The following MCUB variants were observed in gnomAD, a reference collection of about 807,000 sequenced individuals.
The protein encoded by MCUB is calcium uniporter regulatory subunit MCUb, mitochondrial.
MCUB carries 46 observed loss-of-function variants against 41.4 expected under a neutral mutation model. That is an observed-to-expected ratio of 1.11 (90% CI 0.88 to 1.42). The LOEUF is 1.42. Ranked by LOEUF, MCUB falls within the 40% of genes most tolerant of loss-of-function variation. MCUB has a pLI of 0.00. For synonymous variants in MCUB, 148 were observed against 148.2 expected (o/e 1.00, Z 0.01); for missense variants, 403 against 404.9 (o/e 1.00, Z 0.04).
intron 1 of MCUB, among the ~76,000 whole-genome samples, chr4:109,595,004 G>T (rs1242451903): frequency 6.6e-6 from 1 of 151,638 alleles, no homozygotes; most frequent in Non-Finnish European, 1.5e-5. Context: ...TCTTTTTCAG[G>T]TTTCATTTCT....
intron 1 of MCUB, among the ~76,000 whole-genome samples, chr4:109,586,902 T>C (rs926082883): frequency 6.6e-6 from 1 of 152,214 alleles, no homozygotes; most frequent in Non-Finnish European, 1.5e-5. Context: ...CCAGTTAGGC[T>C]ACACGGAGGT....
At chr4:109,671,725 T>C (rs1729463302) in intron 4 of MCUB, among the ~76,000 whole-genome samples, 1 of 152,232 alleles carries the variant, frequency 6.6e-6, no homozygotes, top group South Asian at 2.1e-4. Flanking sequence ...CTGGTTCTGA[T>C]GCTTGTTTTG....
chr4:109,579,477 T>A (rs1727119158), intron 1 of MCUB, among the ~76,000 whole-genome samples: 1 of 152,092 alleles, frequency 6.6e-6, no homozygotes, highest in Admixed American at 6.5e-5. Flanking sequence ...CTCAATCTCT[T>A]GACCTTGTGA....
chr4:109,566,742 A>G (rs910509086), intron 1 of MCUB, among the ~76,000 whole-genome samples: 3 of 152,220 alleles, frequency 2.0e-5, no homozygotes, highest in Non-Finnish European at 4.4e-5. Flanking sequence ...AATAGACTGA[A>G]TGACTTCAGC....
At chr4:109,585,246 T>C (rs1178757965) in intron 1 of MCUB, among the ~76,000 whole-genome samples, 1 of 152,202 alleles carries the variant, frequency 6.6e-6, no homozygotes, top group Non-Finnish European at 1.5e-5. Context: ...TAAAGTCTGT[T>C]TTATCAGAGA....
chr4:109,598,770 C>T (rs1327948820), intron 1 of MCUB, among the ~76,000 whole-genome samples: 3 of 152,090 alleles, frequency 2.0e-5, no homozygotes, highest in African/African-American at 4.8e-5. Flanking sequence ...TTATTGAGTT[C>T]GTTTCCTTTT....
intron 1 of MCUB, among the ~76,000 whole-genome samples, chr4:109,623,749 A>G (rs1728304060): frequency 6.6e-6 from 1 of 152,228 alleles, no homozygotes; most frequent in African/African-American, 2.4e-5. Context: ...CCATAACAAG[A>G]CACCCTGGAG....
Position 109,600,182 on chromosome 4 carries a change from A to G in MCUB, c.99+39746A>G, listed in dbSNP as rs528933390. On this transcript the variant is annotated intron_variant, in intron 1 of 7. Transcript: ENST00000394650. ...GGCAATGGCACTTTAATGTGATTCAAGAGATCTTGCTTCTAGTTTTAGTTC... is the reference window on the plus strand; with the variant it reads ...GGCAATGGCACTTTAATGTGATTCAGGAGATCTTGCTTCTAGTTTTAGTTC... Among the ~76,000 whole-genome samples the G allele has an allele frequency of 5.3e-5, 8 of 152,308 alleles. No individual in the cohort carries two copies. In the East Asian group the frequency reaches 9.7e-4, roughly 18 times the overall value.
At chr4:109,563,346 G>A (rs1726686182) in intron 1 of MCUB, among the ~76,000 whole-genome samples, 1 of 152,066 alleles carries the variant, frequency 6.6e-6, no homozygotes, top group South Asian at 2.1e-4. Context: ...TAGAAACAAA[G>A]CATATGGATG....
At chr4:109,591,253 T>C (rs192297930) in intron 1 of MCUB, among the ~76,000 whole-genome samples, 2 of 151,860 alleles carry the variant, frequency 1.3e-5, no homozygotes, top group Admixed American at 1.3e-4. Flanking sequence ...TGGTGCGATC[T>C]CAGCTCACTG....
At chr4:109,589,856 T>A (rs1727390271) in intron 1 of MCUB, among the ~76,000 whole-genome samples, 1 of 152,222 alleles carries the variant, frequency 6.6e-6, no homozygotes, top group Non-Finnish European at 1.5e-5. Flanking sequence ...TGCCTGACCA[T>A]GCAGGAATCC....
chr4:109,685,238 C>CT lies in MCUB; in HGVS notation c.817-4dup, dbSNP rs3214165. 0.59 allele frequency: 523,564 copies of CT among 892,372 alleles called. 134,935 individuals carry two copies. The highest frequency in any genetic ancestry group is 0.76 in the African/African-American group (41,631 of 54,686). 55.3% of individuals were successfully genotyped at this position (892,372 alleles called of 1,614,324 possible). A position where few individuals can be genotyped will look rare whatever the true frequency, so the allele number is the denominator to read the frequency against. On this transcript the variant is annotated splice_polypyrimidine_tract_variant and intron_variant, in intron 6 of 7. Transcript: ENST00000394650. ...AAACATGTTGTTTTCTTCTCTCTCT[C>CT]TTTTTTTTTAAGGATTATACTTACT...
At chr4:109,660,627 A>C (rs751255356) in intron 3 of MCUB, among the ~76,000 whole-genome samples, 2 of 151,988 alleles carry the variant, frequency 1.3e-5, no homozygotes, top group Non-Finnish European at 2.9e-5. Flanking sequence ...GACCAGCCCG[A>C]CCAACATGGA....
At chr4:109,587,007 C>T (rs996148660) in intron 1 of MCUB, among the ~76,000 whole-genome samples, 16 of 152,334 alleles carry the variant, frequency 1.1e-4, no homozygotes, top group African/African-American at 3.6e-4. Context: ...CAGAGAGGGA[C>T]GTTTAAGTCT....
intron 4 of MCUB, among the ~76,000 whole-genome samples, chr4:109,670,794 G>C (rs910890566): frequency 4.6e-5 from 7 of 151,776 alleles, no homozygotes; most frequent in African/African-American, 1.7e-4. Flanking sequence ...CTTTCCTGCT[G>C]CCGTAAGGAG....
intron 1 of MCUB, among the ~76,000 whole-genome samples, chr4:109,609,764 G>C (rs1247483121): frequency 2.6e-5 from 4 of 152,098 alleles, no homozygotes; most frequent in African/African-American, 9.7e-5. Flanking sequence ...GCCCGCTGCA[G>C]CCACTCCCTG....
chr4:109,588,068 A>G (rs1727350886), intron 1 of MCUB, among the ~76,000 whole-genome samples: 1 of 152,222 alleles, frequency 6.6e-6, no homozygotes. Flanking sequence ...TCTTTTAAGG[A>G]GTTAGTTGTA....
At position 109,660,370 on chromosome 4, in the gene MCUB, A is replaced by C; in HGVS notation, c.346+5A>C. 6.4e-7 allele frequency: 1 copy of C among 1,553,122 alleles called. No homozygotes were observed. The highest frequency in any genetic ancestry group is 8.8e-7 in the Non-Finnish European group (1 of 1,133,384). ...CTGCAGCCATCTTCACAGCAGGTAT[A>C]TATGTATATAATTTTACAACTTTGT... On this transcript the variant is annotated splice_donor_5th_base_variant and intron_variant, in intron 3 of 7. Transcript: ENST00000394650.
chr4:109,680,080 G>A (rs1729682076), intron 4 of MCUB, among the ~76,000 whole-genome samples: 1 of 152,138 alleles, frequency 6.6e-6, no homozygotes, highest in Non-Finnish European at 1.5e-5. Flanking sequence ...GGTATTACAG[G>A]CGTGAACCAC....
Sources: allele counts gnomAD v4.1 joint callset (sites outside exome capture counted in the v4.1 genomes callset), GRCh38; gene constraint gnomAD v4.1.1; transcripts MANE v1.5; gene names NCBI Gene and HGNC (gene_info 2026-07-23, HGNC 2026-07-21).